Variants in RAI1 observed in about 807,000 individuals in gnomAD.
RAI1 encodes retinoic acid induced 1.
A neutral mutation model predicts 123.8 loss-of-function variants in RAI1; 9 were observed. That is an observed-to-expected ratio of 0.07 (90% CI 0.04 to 0.13). The LOEUF (loss-of-function observed/expected upper bound fraction) is 0.13. RAI1 is among the 10% of genes least tolerant of loss of function. The pLI, the probability that RAI1 is intolerant of heterozygous loss-of-function variation, is 1.00. For synonymous variants in RAI1, 1,231 were observed against 1,127.3 expected, an observed-to-expected ratio of 1.09 and a Z score of -1.84; for missense variants, 2,256 against 2,545.8, an observed-to-expected ratio of 0.89 and a Z score of 2.45.
chr17:17,713,890 A>G (rs898736539), intron 1 of RAI1, among the ~76,000 whole-genome samples: 1 of 152,058 alleles, frequency 6.6e-6, no homozygotes, highest in African/African-American at 2.4e-5. Flanking sequence ...CATGGCTTTC[A>G]CTTGGGAGGT....
chr17:17,756,543 G>C (rs11078397), intron 2 of RAI1, among the ~76,000 whole-genome samples: 18,303 of 152,158 alleles, frequency 0.12, 1,944 homozygotes, highest in African/African-American at 0.29. Context: ...TAGTGTGTTT[G>C]CTTTCCACTG....
Position 17,811,043 on chromosome 17 carries a change from C to T in RAI1, c.*1062C>T, listed in dbSNP as rs1310767297. 2 of 316,512 alleles carry T rather than the reference C, an allele frequency of 6.3e-6. No individual in the cohort carries two copies. The highest frequency in any genetic ancestry group is 1.3e-5 in the Non-Finnish European group (2 of 159,326). The allele number at this position is 316,512 out of a possible 1,614,324, so 19.6% of individuals were successfully genotyped here. The stretch of plus-strand genomic sequence containing the variant: ...CGGGTAAGGGGCTACCGCGACGCCA[C>T]TTGTCCACGCAGCCACCACCGGCCC... On this transcript the variant is annotated 3_prime_UTR_variant, in exon 6 of 6. Transcript: ENST00000353383.
chr17:17,792,300 G>GGTGTGTGTGTGCATGCGT (rs2032040065), intron 2 of RAI1, among the ~76,000 whole-genome samples: 1 of 152,030 alleles, frequency 6.6e-6, no homozygotes, highest in Admixed American at 6.6e-5. Flanking sequence ...TGATAGAGGA[G>GGTGTGTGTGTGCATGCGT]GTGTGTGTGT....
chr17:17,794,629 C>T lies in RAI1; in HGVS notation c.1681C>T (p.Pro561Ser), dbSNP rs748884239. 2.5e-6 allele frequency: 4 copies of T among 1,613,160 alleles called. No homozygotes were observed. The highest frequency in any genetic ancestry group is 1.1e-5 in the South Asian group (1 of 91,088). The change falls in exon 3 of 6, where the codon CCT becomes TCT. Residue 561 changes from proline to serine, a missense_variant. By Grantham distance (74) the Pro-to-Ser change is moderately conservative. Around this residue, in one of 7 missense-constraint regions of RAI1, gnomAD observed 357 missense variants for 480.2 expected, o/e 0.74. Transcript: ENST00000353383. ...ESVSTCSVTS[P>S]DDMSTKSDDS... is the part of the protein sequence containing the mutation. Reference sequence around the variant, plus strand: ...CGTGTCCACCTGTTCTGTGACCTCTCCTGACGACATGTCCACCAAATCTGA... The same window carrying T: ...CGTGTCCACCTGTTCTGTGACCTCTTCTGACGACATGTCCACCAAATCTGA...
intron 2 of RAI1, among the ~76,000 whole-genome samples, chr17:17,783,525 A>G (rs1475968066): frequency 6.6e-6 from 1 of 152,116 alleles, no homozygotes; most frequent in Non-Finnish European, 1.5e-5. Context: ...CACGGCTGAA[A>G]CATCTGTTGC....
rs2032708993 is a variant in RAI1, at chr17:17,810,254, A to T, written c.*273A>T. On this transcript the variant is annotated 3_prime_UTR_variant, in exon 6 of 6. Transcript: ENST00000353383. The surrounding 1 kb of genome is among the most constrained non-coding windows in gnomAD (Gnocchi z 4.6). ...CCCACCCCAGGGGCCAGGCTTGCGGAGGGGGAGCCCGCGGAGCGGCCAGAC... is the reference window on the plus strand; with the variant it reads ...CCCACCCCAGGGGCCAGGCTTGCGGTGGGGGAGCCCGCGGAGCGGCCAGAC... 1 of 512,954 alleles carries T rather than the reference A, an allele frequency of 1.9e-6. No individual in the cohort carries two copies. The highest frequency in any genetic ancestry group is 3.4e-6 in the Non-Finnish European group (1 of 295,694). 31.8% of individuals were successfully genotyped at this position (512,954 alleles called of 1,614,324 possible). A position where few individuals can be genotyped will look rare whatever the true frequency, so the allele number is the denominator to read the frequency against.
At chr17:17,743,682 A>G (rs1375403466) in intron 2 of RAI1, among the ~76,000 whole-genome samples, 3 of 152,258 alleles carry the variant, frequency 2.0e-5, no homozygotes, top group African/African-American at 2.4e-5. Flanking sequence ...TGGCAAATGT[A>G]GGAGCAGCCC....
At chr17:17,746,278 A>T (rs2142977111) in intron 2 of RAI1, among the ~76,000 whole-genome samples, 1 of 152,356 alleles carries the variant, frequency 6.6e-6, no homozygotes, top group South Asian at 2.1e-4. Context: ...TCACAAAGGG[A>T]GGCAGGGAGA....
chr17:17,766,647 C>T (rs926009856), intron 2 of RAI1, among the ~76,000 whole-genome samples: 25 of 152,318 alleles, frequency 1.6e-4, no homozygotes, highest in African/African-American at 5.3e-4. Flanking sequence ...CTGCACTGTG[C>T]GAGGCCCAGG....
chr17:17,705,062 G>A (rs1482853479), intron 1 of RAI1, among the ~76,000 whole-genome samples: 1 of 152,178 alleles, frequency 6.6e-6, no homozygotes, highest in African/African-American at 2.4e-5. Flanking sequence ...GTAGTGTGAA[G>A]GATAAACCAA....
intron 2 of RAI1, among the ~76,000 whole-genome samples, chr17:17,767,723 C>T (rs59943360): frequency 7.8e-4 from 119 of 152,328 alleles, no homozygotes; most frequent in African/African-American, 2.8e-3. Flanking sequence ...TGCCTCTCTG[C>T]AGGGAGAGAC....
At chr17:17,692,118 C>T (rs1914857534) in intron 1 of RAI1, among the ~76,000 whole-genome samples, 1 of 152,110 alleles carries the variant, frequency 6.6e-6, no homozygotes, top group Non-Finnish European at 1.5e-5. Context: ...TGGCTTTGTT[C>T]CCTTGGGGTG....
At chr17:17,755,911 C>T (rs1441762058) in intron 2 of RAI1, among the ~76,000 whole-genome samples, 2 of 152,244 alleles carry the variant, frequency 1.3e-5, no homozygotes, top group African/African-American at 4.8e-5. Context: ...ATCCCCAACC[C>T]TCTCCCTTTA....
At chr17:17,808,414 A>ATT (rs1266596226) in intron 4 of RAI1, among the ~76,000 whole-genome samples, 4,636 of 125,602 alleles carry the variant, frequency 0.037, 218 homozygotes, top group African/African-American at 0.078. Context: ...ATTTTATTTT[A>ATT]TTATTTTATT....
chr17:17,719,779 C>T (rs1175386574), intron 1 of RAI1, among the ~76,000 whole-genome samples: 2 of 152,152 alleles, frequency 1.3e-5, no homozygotes, highest in East Asian at 1.9e-4. Context: ...CTTCAAGTTA[C>T]GTGACTGGGA....
At position 17,809,851 on chromosome 17, in the gene RAI1, A is replaced by G. The variant is rs559320750; in HGVS notation, c.5710-119A>G. On this transcript the variant is annotated intron_variant, in intron 5 of 5. Transcript: ENST00000353383. The surrounding 1 kb of genome is among the most constrained non-coding windows in gnomAD (Gnocchi z 4.9). ...GCCGACGGCCTCGGGCGGAGACCCC[A>G]GCCGCGCTCTGGGGTCGCCTGGGTC... 2.2e-3 allele frequency: 3,191 copies of G among 1,444,132 alleles called. 12 individuals are homozygous for G. In the Middle Eastern group the frequency reaches 0.025, roughly 11 times the overall value. 89.5% of individuals were successfully genotyped at this position (1,444,132 alleles called of 1,614,324 possible).
intron 2 of RAI1, among the ~76,000 whole-genome samples, chr17:17,758,254 C>T (rs1231041876): frequency 2.0e-5 from 3 of 152,220 alleles, no homozygotes; most frequent in Admixed American, 1.3e-4. Context: ...CGGCCACCAC[C>T]TGGGCACTCA....
At chr17:17,745,917 G>A (rs531446379) in intron 2 of RAI1, among the ~76,000 whole-genome samples, 26 of 152,276 alleles carry the variant, frequency 1.7e-4, no homozygotes, top group African/African-American at 5.8e-4. Context: ...TGCTGCCCTG[G>A]GCCATGATTG....
At position 17,794,628 on chromosome 17, in the gene RAI1, T is replaced by C. The variant is rs1389509228; in HGVS notation, c.1680T>C (p.Ser560=). ...PESVSTCSVT[S]PDDMSTKSDD... The stretch of plus-strand genomic sequence containing the variant: ...CCGTGTCCACCTGTTCTGTGACCTC[T>C]CCTGACGACATGTCCACCAAATCTG... Residue 560 remains serine (S), a synonymous_variant, in exon 3 of 6, where the codon TCT becomes TCC. Coordinates refer to ENST00000353383, the MANE Select transcript of RAI1 (RefSeq NM_030665.4). The C allele has an allele frequency of 6.2e-7, 1 of 1,613,112 alleles. No individual in the cohort carries two copies. Among genetic ancestry groups the C allele is most frequent in the South Asian group, 1.1e-5 (1 of 91,084 alleles).
Sources: gnomAD v4.1 joint callset for allele counts (sites outside exome capture counted in the v4.1 genomes callset) on GRCh38, gnomAD v4.1.1 for gene constraint, gnomAD v4.1.1 regional missense constraint, Gnocchi (gnomAD v3.1) non-coding constraint, MANE v1.5 for transcripts, NCBI Gene and HGNC (gene_info 2026-07-23, HGNC 2026-07-21) for gene names.